Variants in LAMA2 observed in about 807,000 individuals in gnomAD.
The protein encoded by LAMA2 is laminin subunit alpha-2.
Under a neutral mutation model 364.8 loss-of-function variants are expected in LAMA2, and 269 were observed. That is an observed-to-expected ratio of 0.74 (90% CI 0.67 to 0.82). The LOEUF is 0.82. Ranked by LOEUF, LAMA2 falls within the 40% of genes least tolerant of loss-of-function variation. The probability of loss-of-function intolerance (pLI) is 0.00; values close to 1 mark genes in which losing one functional copy is unlikely to be tolerated. For missense variants in LAMA2, 3,807 were observed against 3,873.2 expected (o/e 0.98, Z 0.45); for synonymous variants, 1,379 against 1,370.6 (o/e 1.01, Z -0.14).
intron 1 of LAMA2, among the ~76,000 whole-genome samples, chr6:128,949,610 G>A (rs1381097761): frequency 6.6e-6 from 1 of 152,084 alleles, no homozygotes; most frequent in African/African-American, 2.4e-5. Flanking sequence ...AGCTTATGAA[G>A]GATGTCTCTT....
chr6:129,060,868 G>A (rs748283090), intron 3 of LAMA2, among the ~76,000 whole-genome samples: 3 of 152,158 alleles, frequency 2.0e-5, no homozygotes, highest in Non-Finnish European at 2.9e-5. Flanking sequence ...GGATTGCACG[G>A]TAGACCTGCC....
chr6:129,182,355 A>G (rs2115022456), intron 10 of LAMA2, among the ~76,000 whole-genome samples: 1 of 151,610 alleles, frequency 6.6e-6, no homozygotes, highest in Admixed American at 6.6e-5. Flanking sequence ...TGAAGGTGAT[A>G]AAACCCTGTC....
chr6:129,171,104 C>T (rs1485888143), intron 9 of LAMA2, among the ~76,000 whole-genome samples: 1 of 152,144 alleles, frequency 6.6e-6, no homozygotes, highest in Non-Finnish European at 1.5e-5. Context: ...ATACGGAACA[C>T]TGATGGGTCT....
chr6:128,930,853 A>G (rs1325846301), intron 1 of LAMA2, among the ~76,000 whole-genome samples: 1 of 152,188 alleles, frequency 6.6e-6, no homozygotes, highest in Non-Finnish European at 1.5e-5. Context: ...CACAGTGTGC[A>G]TCTCAACTTC....
chr6:129,308,638 A>C lies in LAMA2; in HGVS notation c.3175-4223A>C, dbSNP rs563904698. Among the ~76,000 whole-genome samples the C allele has an allele frequency of 4.0e-5, 6 of 151,226 alleles. No homozygotes were observed. The South Asian group carries it at 1.3e-3, about 32-fold the overall frequency. ...ATACTTCACCATTATGAAGAATTAC[A>C]AAAAAAAACAAAACTCATAGAGCCT... On this transcript the variant is annotated intron_variant, in intron 22 of 64. Transcript: ENST00000421865.
At chr6:129,084,815 A>G (rs571948927) in intron 3 of LAMA2, among the ~76,000 whole-genome samples, 2 of 152,278 alleles carry the variant, frequency 1.3e-5, no homozygotes, top group African/African-American at 4.8e-5. Context: ...TCATTTTACA[A>G]CCATCCACTT....
At chr6:129,393,431 G>C (rs1394667327) in intron 37 of LAMA2, among the ~76,000 whole-genome samples, 176 bp downstream of exon 37, 1 of 151,994 alleles carries the variant, frequency 6.6e-6, no homozygotes, top group Non-Finnish European at 1.5e-5. Context: ...TTTTTGTTTT[G>C]TTTTTAATGA....
intron 41 of LAMA2, among the ~76,000 whole-genome samples, chr6:129,429,559 C>T (rs1781488202): frequency 6.6e-6 from 1 of 152,132 alleles, no homozygotes; most frequent in South Asian, 2.1e-4. Context: ...ATTCTTCAGG[C>T]TGTGTATTAC....
At chr6:129,035,301 C>CTTT (rs546836712) in intron 1 of LAMA2, among the ~76,000 whole-genome samples, 1 of 129,500 alleles carries the variant, frequency 7.7e-6, no homozygotes, top group African/African-American at 2.9e-5. Context: ...CTTTTCTTTT[C>CTTT]TTTTTTTTTT....
chr6:129,139,912 G>A (rs1016632200), intron 4 of LAMA2, among the ~76,000 whole-genome samples: 1 of 151,110 alleles, frequency 6.6e-6, no homozygotes, highest in African/African-American at 2.5e-5. Flanking sequence ...AAATGTTTTA[G>A]GAGAGAGCAT....
At chr6:129,337,822 T>C (rs1179358420) in intron 29 of LAMA2, among the ~76,000 whole-genome samples, 1 of 152,156 alleles carries the variant, frequency 6.6e-6, no homozygotes. Flanking sequence ...ATTAAACTTC[T>C]CATTAGGCAT....
intron 1 of LAMA2, among the ~76,000 whole-genome samples, chr6:128,895,511 G>A (rs1020362886): frequency 4.0e-5 from 6 of 151,466 alleles, no homozygotes; most frequent in African/African-American, 1.5e-4. Flanking sequence ...AGCCGGGCGT[G>A]GTGGCGGGCG....
chr6:129,316,551 T>C (rs943618598), intron 27 of LAMA2, among the ~76,000 whole-genome samples: 4 of 152,190 alleles, frequency 2.6e-5, no homozygotes, highest in Non-Finnish European at 5.9e-5. Context: ...CAGGGCCAAG[T>C]TGGTCCAGTC....
chr6:129,481,214 T>C (rs1784329358), intron 54 of LAMA2, 49 bp from the exon 55 acceptor site: 1 of 1,498,226 alleles, frequency 6.7e-7, no homozygotes, highest in Non-Finnish European at 9.3e-7. Context: ...AGAACTTATT[T>C]AAATTTTCAT....
intron 8 of LAMA2, among the ~76,000 whole-genome samples, chr6:129,162,920 AAG>A (rs71808624): frequency 0.019 from 2,919 of 152,166 alleles, 112 homozygotes; most frequent in African/African-American, 0.066. Context: ...AGGAAGAATG[AAG>A]AGAGTCTTTA....
chr6:129,026,481 G>A (rs975743960), intron 1 of LAMA2, among the ~76,000 whole-genome samples: 1 of 152,068 alleles, frequency 6.6e-6, no homozygotes, highest in African/African-American at 2.4e-5. Context: ...TAAGAATAAA[G>A]CAGTTTACAA....
chr6:129,397,830 G>C (rs1488660174), intron 37 of LAMA2, among the ~76,000 whole-genome samples: 3 of 151,498 alleles, frequency 2.0e-5, no homozygotes, highest in African/African-American at 7.3e-5. Flanking sequence ...GTCCCTACTC[G>C]GGAGGCTGAG....
At chr6:129,482,918 T>C (rs1197039542) in intron 55 of LAMA2, among the ~76,000 whole-genome samples, 2 of 151,842 alleles carry the variant, frequency 1.3e-5, no homozygotes, top group Non-Finnish European at 2.9e-5. Context: ...ATACAAAAAA[T>C]TAGCCAGGCA....
At chr6:128,983,029 T>A (rs1309770048) in intron 1 of LAMA2, among the ~76,000 whole-genome samples, 1 of 151,524 alleles carries the variant, frequency 6.6e-6, no homozygotes, top group Non-Finnish European at 1.5e-5. Flanking sequence ...ACATTTGGGT[T>A]GGTTCCAAGT....
Sources: allele counts gnomAD v4.1 joint callset (sites outside exome capture counted in the v4.1 genomes callset), GRCh38; gene constraint gnomAD v4.1.1; transcripts MANE v1.5; gene names NCBI Gene and HGNC (gene_info 2026-07-23, HGNC 2026-07-21).